Variants in ME3 observed in about 807,000 individuals in gnomAD.
ME3 encodes malic enzyme 3, also known as NADP-dependent malic enzyme, mitochondrial.
Under a neutral mutation model 68.9 loss-of-function variants are expected in ME3, and 48 were observed. That is an observed-to-expected ratio of 0.70 (90% CI 0.55 to 0.89). The LOEUF (loss-of-function observed/expected upper bound fraction) is 0.89. Ranked by LOEUF, ME3 falls within the 40% of genes least tolerant of loss-of-function variation. The probability of loss-of-function intolerance (pLI) is 0.00; values close to 1 mark genes in which losing one functional copy is unlikely to be tolerated. For synonymous variants in ME3, 320 were observed against 318.8 expected, an observed-to-expected ratio of 1.00 and a Z score of -0.04; for missense variants, 675 against 797.4, an observed-to-expected ratio of 0.85 and a Z score of 1.85.
At chr11:86,668,808 T>C (rs148537714) in intron 2 of ME3, among the ~76,000 whole-genome samples, 2 of 152,338 alleles carry the variant, frequency 1.3e-5, no homozygotes, top group African/African-American at 4.8e-5. Flanking sequence ...GCAAATCTAG[T>C]GAACACATTC....
intron 4 of ME3, among the ~76,000 whole-genome samples, chr11:86,512,026 TA>T (rs1953565902): frequency 6.6e-6 from 1 of 152,064 alleles, no homozygotes; most frequent in Non-Finnish European, 1.5e-5. Context: ...AAATTATCCA[TA>T]AAATCCCTAG....
chr11:86,592,513 A>T (rs1959121840), intron 2 of ME3, among the ~76,000 whole-genome samples: 1 of 152,176 alleles, frequency 6.6e-6, no homozygotes, highest in Non-Finnish European at 1.5e-5. Context: ...TCATTACTAC[A>T]TCTGAGGGGA....
At chr11:86,547,922 T>C (rs1956460970) in intron 4 of ME3, among the ~76,000 whole-genome samples, 1 of 152,208 alleles carries the variant, frequency 6.6e-6, no homozygotes, top group Non-Finnish European at 1.5e-5. Flanking sequence ...AGTCAGTTTG[T>C]TTAAATTGCC....
intron 2 of ME3, among the ~76,000 whole-genome samples, chr11:86,607,772 G>A (rs186677659): frequency 1.3e-5 from 2 of 151,772 alleles, no homozygotes; most frequent in East Asian, 3.9e-4. Context: ...TGATCTCGCA[G>A]TGAACTCTCT....
chr11:86,664,212 G>A lies in ME3; in HGVS notation c.183+7550C>T, dbSNP rs1161184756. 2.0e-5 allele frequency among the ~76,000 whole-genome samples: 3 copies of A among 152,094 alleles called. No homozygotes were observed. The East Asian group carries it at 5.8e-4, about 29-fold the overall frequency. ...AAGAAAATGGAACATTAAAGGAAAA[G>A]TACATAAAGAGGAAATAAATCTCCC... On this transcript the variant is annotated intron_variant, in intron 2 of 14. Coordinates refer to ENST00000543262, the Ensembl canonical transcript of ME3.
At chr11:86,560,740 G>GTATATATATA (rs1957174376) in intron 2 of ME3, among the ~76,000 whole-genome samples, 1 of 53,846 alleles carries the variant, frequency 1.9e-5, no homozygotes. Flanking sequence ...GTGTGTGTGT[G>GTATATATATA]TGTGTGTGTA....
chr11:86,570,009 A>G (rs975336302), intron 2 of ME3, among the ~76,000 whole-genome samples: 1 of 152,132 alleles, frequency 6.6e-6, no homozygotes, highest in Admixed American at 6.5e-5. Flanking sequence ...GCTACTGTTG[A>G]GCATTCCTCT....
chr11:86,667,698 G>A (rs185570970), intron 2 of ME3: 148 of 152,272 alleles, frequency 9.7e-4, no homozygotes, highest in African/African-American at 3.3e-3. Flanking sequence ...ACAAATAGGA[G>A]GGGACTCAGA....
At chr11:86,473,049 C>T (rs1464168292) in intron 7 of ME3, among the ~76,000 whole-genome samples, 1 of 152,216 alleles carries the variant, frequency 6.6e-6, no homozygotes, top group Non-Finnish European at 1.5e-5. Context: ...CAGTTGAAGC[C>T]ATGGGATTGG....
intron 6 of ME3, among the ~76,000 whole-genome samples, chr11:86,491,671 C>T (rs1952019041): frequency 6.6e-6 from 1 of 152,186 alleles, no homozygotes; most frequent in Admixed American, 6.5e-5. Flanking sequence ...TAGTAACCTG[C>T]CTGGACCCCC....
intron 7 of ME3, among the ~76,000 whole-genome samples, chr11:86,472,853 T>G (rs1046849222): frequency 1.3e-5 from 2 of 152,116 alleles, no homozygotes; most frequent in Admixed American, 1.3e-4. Flanking sequence ...GGGCCGAGGA[T>G]GGAGGGTGAA....
intron 7 of ME3, among the ~76,000 whole-genome samples, chr11:86,473,766 A>G (rs1950909303): frequency 6.6e-6 from 1 of 152,278 alleles, no homozygotes; most frequent in African/African-American, 2.4e-5. Flanking sequence ...ATGACAGGGA[A>G]TCTATACCAT....
At chr11:86,596,779 C>G (rs2139697011) in intron 2 of ME3, among the ~76,000 whole-genome samples, 1 of 152,346 alleles carries the variant, frequency 6.6e-6, no homozygotes, top group African/African-American at 2.4e-5. Context: ...GAACCTTATT[C>G]TATGTGTAAC....
At chr11:86,613,085 T>A (rs1232347446) in intron 2 of ME3, among the ~76,000 whole-genome samples, 1 of 152,180 alleles carries the variant, frequency 6.6e-6, no homozygotes, top group African/African-American at 2.4e-5. Flanking sequence ...TTAATTTTTG[T>A]AAGGTGAAAG....
chr11:86,665,231 CTAAG>C (rs1946518750), intron 2 of ME3, among the ~76,000 whole-genome samples: 1 of 152,136 alleles, frequency 6.6e-6, no homozygotes, highest in African/African-American at 2.4e-5. Flanking sequence ...AATAGACATA[CTAAG>C]TAAGCAGTTA....
At chr11:86,441,573 G>A (rs1221915930) in intron 14 of ME3, 133 bp from the exon 15 acceptor site, 1 of 820,952 alleles carries the variant, frequency 1.2e-6, no homozygotes, top group Non-Finnish European at 1.8e-6. Flanking sequence ...TATGGCTCAT[G>A]AAACAACTGG....
At chr11:86,585,555 G>A (rs1274875101) in intron 2 of ME3, among the ~76,000 whole-genome samples, 1 of 152,172 alleles carries the variant, frequency 6.6e-6, no homozygotes, top group Non-Finnish European at 1.5e-5. Context: ...ACTGGTTTTG[G>A]GTGGGAGTGG....
chr11:86,494,052 G>A (rs372534684), intron 6 of ME3, among the ~76,000 whole-genome samples: 11 of 148,934 alleles, frequency 7.4e-5, no homozygotes, highest in South Asian at 4.3e-4. Context: ...CGGTTTCATT[G>A]AAAAAAAAAA....
At chr11:86,567,243 A>AAAGAAAGAAAGAAAGGAAGGAAGG in intron 2 of ME3, among the ~76,000 whole-genome samples, 1 of 144,582 alleles carries the variant, frequency 6.9e-6, no homozygotes, top group Admixed American at 7.0e-5. Context: ...GAAAAGAAAG[A>AAAGAAAGAAAGAAAGGAAGGAAGG]AAGGAAGGAA....
Sources: allele counts gnomAD v4.1 joint callset (sites outside exome capture counted in the v4.1 genomes callset), GRCh38; gene constraint gnomAD v4.1.1; transcripts MANE v1.5; gene names NCBI Gene and HGNC (gene_info 2026-07-23, HGNC 2026-07-21).